Variants in AHCYL2 observed in about 807,000 individuals in gnomAD.
AHCYL2 encodes the protein S-adenosylhomocysteine hydrolase-like protein 2.
Under a neutral mutation model 81.4 loss-of-function variants are expected in AHCYL2, and 28 were observed. The observed-to-expected ratio is 0.34, with a 90% CI of 0.25 to 0.47. AHCYL2 has a LOEUF of 0.47. AHCYL2 is among the 20% of genes least tolerant of loss of function. The pLI is 1.00. For synonymous variants in AHCYL2, 272 were observed against 290.2 expected (o/e 0.94, Z 0.64); for missense variants, 551 against 785.1 (o/e 0.70, Z 3.56).
At chr7:129,393,992 A>G (rs558431481) in intron 4 of AHCYL2, among the ~76,000 whole-genome samples, 10 of 151,804 alleles carry the variant, frequency 6.6e-5, no homozygotes, top group African/African-American at 2.2e-4. Flanking sequence ...TCAGTTCAGT[A>G]ATTTCTTTTT....
chr7:129,312,690 A>C (rs1797700986), intron 1 of AHCYL2, among the ~76,000 whole-genome samples: 1 of 152,152 alleles, frequency 6.6e-6, no homozygotes. Flanking sequence ...TATTTGAAAA[A>C]ATTGAGGTGT....
chr7:129,352,375 C>T (rs573306050), intron 1 of AHCYL2, among the ~76,000 whole-genome samples: 1 of 152,318 alleles, frequency 6.6e-6, no homozygotes, highest in African/African-American at 2.4e-5. Context: ...AGCTTCCAGT[C>T]AAGCTGTCCC....
At chr7:129,409,647 T>C in intron 11 of AHCYL2, 101 bp downstream of exon 11, 1 of 978,634 alleles carries the variant, frequency 1.0e-6, no homozygotes, top group Non-Finnish European at 1.5e-6. Context: ...CTCTAAAAGC[T>C]AGAGAGAGAT....
chr7:129,229,295 G>T (rs961832095), intron 1 of AHCYL2, among the ~76,000 whole-genome samples: 1 of 152,112 alleles, frequency 6.6e-6, no homozygotes, highest in South Asian at 2.1e-4. Flanking sequence ...TCAAACTCCC[G>T]ACCTCAGGTG....
intron 1 of AHCYL2, among the ~76,000 whole-genome samples, chr7:129,353,277 C>T (rs75623881): frequency 4.3e-4 from 65 of 152,222 alleles, no homozygotes; most frequent in African/African-American, 1.5e-3. Context: ...TTCTTTACAA[C>T]CTCATTCTCC....
At chr7:129,307,296 A>C (rs1378712545) in intron 1 of AHCYL2, among the ~76,000 whole-genome samples, 3 of 152,200 alleles carry the variant, frequency 2.0e-5, no homozygotes, top group Non-Finnish European at 4.4e-5. Flanking sequence ...ATTCCATTGC[A>C]GCTATGCTGG....
chr7:129,334,081 C>T (rs913251289), intron 1 of AHCYL2, among the ~76,000 whole-genome samples: 1 of 152,096 alleles, frequency 6.6e-6, no homozygotes, highest in African/African-American at 2.4e-5. Context: ...TTTATGCCAT[C>T]AGAACCCTGT....
intron 5 of AHCYL2, among the ~76,000 whole-genome samples, chr7:129,399,807 A>C (rs1795940290): frequency 6.7e-6 from 1 of 149,528 alleles, no homozygotes; most frequent in African/African-American, 2.5e-5. Flanking sequence ...GCTCACTGCA[A>C]CCTCCACCTC....
At position 129,426,955 on chromosome 7, in the gene AHCYL2, G is replaced by A. The variant is rs1420534608; in HGVS notation, c.1830-84G>A. 7.0e-7 allele frequency: 1 copy of A among 1,426,790 alleles called. No homozygotes were observed. Among genetic ancestry groups the A allele is most frequent in the East Asian group, 2.3e-5 (1 of 43,862 alleles). 88.4% of individuals were successfully genotyped at this position (1,426,790 alleles called of 1,614,324 possible). ...ACTCCAGAAAAGTCTCTGCCTCCCT[G>A]TTACACCTTTAGGCAGGCTCTTCAT... On this transcript the variant is annotated intron_variant, in intron 16 of 16. Transcript: ENST00000325006. The surrounding 1 kb of genome is among the most constrained non-coding windows in gnomAD (Gnocchi z 4.3).
chr7:129,400,538 T>A (rs979825337), intron 6 of AHCYL2, among the ~76,000 whole-genome samples, 154 bp downstream of exon 6: 3 of 152,224 alleles, frequency 2.0e-5, no homozygotes, highest in African/African-American at 7.2e-5. Context: ...TAGATTCTTA[T>A]GCTACGGGTA....
chr7:129,358,479 A>T (rs1400268422), intron 1 of AHCYL2, among the ~76,000 whole-genome samples: 1 of 152,212 alleles, frequency 6.6e-6, no homozygotes, highest in African/African-American at 2.4e-5. Flanking sequence ...ATGCTAAGTG[A>T]AATGTCAGTC....
At chr7:129,372,827 GAAAGA>G (rs1188892941) in intron 1 of AHCYL2, among the ~76,000 whole-genome samples, 6 of 152,020 alleles carry the variant, frequency 3.9e-5, no homozygotes, top group African/African-American at 1.4e-4. Flanking sequence ...CCAAAAAAAA[GAAAGA>G]AAAGAAAGGA....
chr7:129,246,612 C>T (rs565877953), intron 1 of AHCYL2, among the ~76,000 whole-genome samples: 11 of 152,264 alleles, frequency 7.2e-5, no homozygotes, highest in African/African-American at 2.4e-4. Context: ...ATCTTCTCAT[C>T]TCACCTTCCA....
chr7:129,281,234 C>A (rs1164198690), intron 1 of AHCYL2, among the ~76,000 whole-genome samples: 1 of 151,958 alleles, frequency 6.6e-6, no homozygotes, highest in Non-Finnish European at 1.5e-5. Flanking sequence ...GTGATGTATT[C>A]TTTTTATATA....
chr7:129,267,511 T>C (rs1376165510), intron 1 of AHCYL2, among the ~76,000 whole-genome samples: 1 of 151,920 alleles, frequency 6.6e-6, no homozygotes, highest in African/African-American at 2.4e-5. Context: ...CTCCATGTTG[T>C]CCAAGCTGGT....
chr7:129,257,321 G>GGC (rs1795463491), intron 1 of AHCYL2, among the ~76,000 whole-genome samples: 1 of 152,140 alleles, frequency 6.6e-6, no homozygotes, highest in Non-Finnish European at 1.5e-5. Flanking sequence ...GTGGAGCCTT[G>GGC]GCAGCCTAAG....
chr7:129,390,069 C>G (rs1252239804), intron 4 of AHCYL2, among the ~76,000 whole-genome samples: 1 of 152,108 alleles, frequency 6.6e-6, no homozygotes, highest in East Asian at 1.9e-4. Context: ...GTACTGAACC[C>G]TATATATACT....
rs538764587 is a variant in AHCYL2, at chr7:129,354,464, G to A, written c.364-25174G>A. Among the ~76,000 whole-genome samples the A allele has an allele frequency of 3.9e-5, 6 of 152,266 alleles. No homozygotes were observed. The East Asian group carries it at 7.7e-4, about 20-fold the overall frequency. On this transcript the variant is annotated intron_variant, in intron 1 of 16. Transcript: ENST00000325006. ...GCTGGTATGGAGACAAGAAGAAAGG[G>A]CTGAGTAAGGAAATGTAACAGGATT...
chr7:129,227,950 G>C (rs1794288019), intron 1 of AHCYL2, among the ~76,000 whole-genome samples: 1 of 152,188 alleles, frequency 6.6e-6, no homozygotes, highest in Admixed American at 6.5e-5. Flanking sequence ...TAACCTTCTT[G>C]ATATTGAATT....
Sources: gnomAD v4.1 joint callset for allele counts (sites outside exome capture counted in the v4.1 genomes callset) on GRCh38, gnomAD v4.1.1 for gene constraint, Gnocchi (gnomAD v3.1) non-coding constraint, MANE v1.5 for transcripts, NCBI Gene and HGNC (gene_info 2026-07-23, HGNC 2026-07-21) for gene names.